Variants in HDAC9 observed in about 807,000 individuals in gnomAD.
The protein encoded by HDAC9 is histone deacetylase 9.
A neutral mutation model predicts 139.4 loss-of-function variants in HDAC9; 41 were observed. That is an observed-to-expected ratio of 0.29 (90% CI 0.23 to 0.38). HDAC9 has a LOEUF of 0.38. HDAC9 is among the 10% of genes least tolerant of loss of function. The pLI, the probability that HDAC9 is intolerant of heterozygous loss-of-function variation, is 1.00. For synonymous variants in HDAC9, 517 were observed against 476.2 expected (o/e 1.09, Z -1.12); for missense variants, 1,147 against 1,297.0 (o/e 0.88, Z 1.78).
intron 22 of HDAC9, among the ~76,000 whole-genome samples, chr7:18,880,464 A>C (rs1314692648): frequency 6.6e-6 from 1 of 152,194 alleles, no homozygotes; most frequent in Non-Finnish European, 1.5e-5. Flanking sequence ...ACACCATACT[A>C]TGCAGCCATA....
chr7:18,559,399 A>G (rs1436297782), intron 2 of HDAC9, among the ~76,000 whole-genome samples: 2 of 152,156 alleles, frequency 1.3e-5, no homozygotes, highest in Non-Finnish European at 2.9e-5. Flanking sequence ...TGAGAAACCA[A>G]TCGATCGTAT....
At chr7:18,305,027 T>C (rs914626348) in intron 1 of HDAC9, among the ~76,000 whole-genome samples, 1 of 152,070 alleles carries the variant, frequency 6.6e-6, no homozygotes. Flanking sequence ...TGTTTCTTTA[T>C]AGGATAAGAA....
At chr7:18,905,977 CTCCT>C (rs1331856917) in intron 22 of HDAC9, among the ~76,000 whole-genome samples, 5 of 141,124 alleles carry the variant, frequency 3.5e-5, no homozygotes, top group South Asian at 4.5e-4. Context: ...CCTTCCTTCT[CTCCT>C]TCCTTCCTTC....
intron 2 of HDAC9, chr7:18,162,420 C>A: frequency 7.4e-7 from 1 of 1,347,196 alleles, no homozygotes; most frequent in South Asian, 1.3e-5. Context: ...TGTTTCAAAC[C>A]AAGTAATTTA....
At chr7:18,317,295 T>C (rs575725017) in intron 1 of HDAC9, among the ~76,000 whole-genome samples, 2 of 152,140 alleles carry the variant, frequency 1.3e-5, no homozygotes, top group South Asian at 2.1e-4. Flanking sequence ...TGAGTAACTT[T>C]GTATCATATG....
At chr7:18,789,170 A>G (rs1295968836) in intron 16 of HDAC9, among the ~76,000 whole-genome samples, 1 of 152,100 alleles carries the variant, frequency 6.6e-6, no homozygotes, top group African/African-American at 2.4e-5. Flanking sequence ...TTTTATGTAT[A>G]TTGAAGCAAA....
At chr7:18,237,425 T>C (rs1249817817) in intron 2 of HDAC9, among the ~76,000 whole-genome samples, 1 of 152,146 alleles carries the variant, frequency 6.6e-6, no homozygotes, top group African/African-American at 2.4e-5. Flanking sequence ...AAACTTGGCA[T>C]GGTACTGGGG....
chr7:18,480,906 A>C (rs993428210), intron 1 of HDAC9, among the ~76,000 whole-genome samples: 2 of 152,192 alleles, frequency 1.3e-5, no homozygotes, highest in African/African-American at 2.4e-5. Flanking sequence ...TAGTATCTGC[A>C]TCCAGTGAGT....
At chr7:18,680,121 A>G (rs1781792870) in intron 12 of HDAC9, among the ~76,000 whole-genome samples, 1 of 152,000 alleles carries the variant, frequency 6.6e-6, no homozygotes, top group African/African-American at 2.4e-5. Flanking sequence ...ACTTTTCTAG[A>G]AACATGAAAG....
At position 18,149,531 on chromosome 7, in the gene HDAC9, A is replaced by T. The variant is rs896413918; in HGVS notation, c.-96-12698A>T. Among the ~76,000 whole-genome samples, 16 of 149,418 alleles carry T rather than the reference A, an allele frequency of 1.1e-4. 1 individual carries two copies. In the East Asian group the frequency reaches 1.2e-3, roughly 11 times the overall value. On this transcript the variant is annotated intron_variant, in intron 1 of 12. Transcript: ENST00000417496. ...CCACCATGCATGGCTAAGGTTTTTT[A>T]TTTATTTATTATTTATTATTTATTA... is the stretch of plus-strand genomic sequence containing the variant.
intron 1 of HDAC9, among the ~76,000 whole-genome samples, chr7:18,462,389 CTTTA>C (rs1434841473): frequency 2.6e-5 from 4 of 151,964 alleles, no homozygotes; most frequent in Non-Finnish European, 5.9e-5. Context: ...AGTCAGGAAC[CTTTA>C]TTTATTTATT....
chr7:18,220,051 A>G (rs755433963), intron 2 of HDAC9, among the ~76,000 whole-genome samples: 9 of 152,218 alleles, frequency 5.9e-5, no homozygotes, highest in Non-Finnish European at 1.3e-4. Flanking sequence ...CCTGGCACAC[A>G]CAAGTGCATG....
At chr7:18,533,885 CATTTT>C (rs1586755886) in intron 2 of HDAC9, among the ~76,000 whole-genome samples, 2 of 152,192 alleles carry the variant, frequency 1.3e-5, no homozygotes, top group East Asian at 1.9e-4. Context: ...CATTTAGTGA[CATTTT>C]AATTTAAGTT....
At chr7:18,187,591 G>A (rs941548330) in intron 2 of HDAC9, among the ~76,000 whole-genome samples, 6 of 152,042 alleles carry the variant, frequency 3.9e-5, no homozygotes, top group Non-Finnish European at 8.8e-5. Flanking sequence ...GACAAACCTT[G>A]TCTTCCATTT....
chr7:18,543,869 C>T (rs943219649), intron 2 of HDAC9, among the ~76,000 whole-genome samples: 11 of 146,450 alleles, frequency 7.5e-5, no homozygotes, highest in East Asian at 2.0e-4. Flanking sequence ...GTCCTGGACT[C>T]GTTCAGTGTA....
intron 21 of HDAC9, among the ~76,000 whole-genome samples, chr7:18,843,647 G>A (rs892393271): frequency 6.7e-6 from 1 of 149,170 alleles, no homozygotes; most frequent in Admixed American, 6.6e-5. Context: ...CAATGTCTTT[G>A]GGTCATAGAG....
At chr7:18,911,582 G>GT (rs78229391) in intron 22 of HDAC9, among the ~76,000 whole-genome samples, 9 of 149,076 alleles carry the variant, frequency 6.0e-5, no homozygotes, top group East Asian at 2.0e-4. Context: ...TGCTATTCTA[G>GT]TTTTTTTTTA....
chr7:18,854,833 G>A (rs796727599), intron 21 of HDAC9, among the ~76,000 whole-genome samples: 9 of 152,194 alleles, frequency 5.9e-5, no homozygotes, highest in African/African-American at 1.7e-4. Flanking sequence ...ATGAAAATGG[G>A]ATTTTATCAC....
chr7:18,760,796 C>A (rs946298379), intron 14 of HDAC9, among the ~76,000 whole-genome samples: 1 of 152,232 alleles, frequency 6.6e-6, no homozygotes, highest in Non-Finnish European at 1.5e-5. Flanking sequence ...GCTCGGCCTC[C>A]GGCCCAGTAA....
Sources: allele counts gnomAD v4.1 joint callset (sites outside exome capture counted in the v4.1 genomes callset), GRCh38; gene constraint gnomAD v4.1.1; transcripts MANE v1.5; gene names NCBI Gene and HGNC (gene_info 2026-07-23, HGNC 2026-07-21).